CTNNA2: variants seen among roughly 807,000 people sequenced by gnomAD.
CTNNA2 encodes catenin alpha-2.
Under a neutral mutation model 101.0 loss-of-function variants are expected in CTNNA2, and 42 were observed. The ratio of observed to expected loss-of-function variants is 0.42; its 90% CI spans 0.32 to 0.54. CTNNA2 has a LOEUF of 0.54. Among genes scored for constraint, CTNNA2 ranks in the 20% least tolerant of loss-of-function variants. The pLI, the probability that CTNNA2 is intolerant of heterozygous loss-of-function variation, is 0.14. For missense variants in CTNNA2, 871 were observed against 1,223.1 expected (o/e 0.71, Z 4.29); for synonymous variants, 450 against 456.4 (o/e 0.99, Z 0.18).
At chr2:80,562,130 T>G (rs768684302) in intron 12 of CTNNA2, among the ~76,000 whole-genome samples, 1 of 131,752 alleles carries the variant, frequency 7.6e-6, no homozygotes, top group African/African-American at 2.5e-5. Context: ...TATTTCACTA[T>G]CTTAGGACTG....
chr2:80,058,107 C>G (rs17018577), intron 7 of CTNNA2, among the ~76,000 whole-genome samples: 2,036 of 152,282 alleles, frequency 0.013, 34 homozygotes, highest in African/African-American at 0.044. Context: ...CTCCCTGTTT[C>G]CCTGCATCTG....
chr2:79,663,483 A>G (rs751200584), intron 2 of CTNNA2, among the ~76,000 whole-genome samples: 14 of 152,196 alleles, frequency 9.2e-5, no homozygotes, highest in Non-Finnish European at 2.1e-4. Context: ...TTTCTTGGAC[A>G]TACTGAGTTC....
intron 3 of CTNNA2, among the ~76,000 whole-genome samples, chr2:79,845,122 A>G (rs1355919323): frequency 6.8e-6 from 1 of 147,444 alleles, no homozygotes; most frequent in Non-Finnish European, 1.5e-5. Context: ...ATGATAACTG[A>G]CTAAGTACCC....
At chr2:80,085,762 C>A (rs1362229763) in intron 7 of CTNNA2, among the ~76,000 whole-genome samples, 1 of 151,788 alleles carries the variant, frequency 6.6e-6, no homozygotes, top group African/African-American at 2.4e-5. Flanking sequence ...TTAATGACCA[C>A]TTTTAAGGTT....
At chr2:79,720,274 C>G (rs887690123) in intron 2 of CTNNA2, among the ~76,000 whole-genome samples, 1 of 152,028 alleles carries the variant, frequency 6.6e-6, no homozygotes, top group Admixed American at 6.6e-5. Flanking sequence ...GTACCAGTAC[C>G]GTGCTGGTTT....
At chr2:79,295,236 A>C (rs1031832441) in intron 2 of CTNNA2, among the ~76,000 whole-genome samples, 7 of 152,150 alleles carry the variant, frequency 4.6e-5, no homozygotes, top group Non-Finnish European at 8.8e-5. Context: ...TTCGGCAGAT[A>C]ACCTCAACAC....
intron 7 of CTNNA2, among the ~76,000 whole-genome samples, chr2:79,941,746 G>A (rs1180900834): frequency 6.6e-6 from 1 of 152,094 alleles, no homozygotes; most frequent in Non-Finnish European, 1.5e-5. Flanking sequence ...AGCCTCCTAA[G>A]TAGCTGGGAT....
At chr2:79,815,824 C>T (rs997253165) in intron 3 of CTNNA2, among the ~76,000 whole-genome samples, 2 of 151,676 alleles carry the variant, frequency 1.3e-5, no homozygotes, top group Admixed American at 1.3e-4. Flanking sequence ...ATGGGAATTG[C>T]ATTGAATTTG....
At chr2:79,341,766 T>C (rs1366098873) in intron 3 of CTNNA2, among the ~76,000 whole-genome samples, 1 of 152,206 alleles carries the variant, frequency 6.6e-6, no homozygotes, top group Non-Finnish European at 1.5e-5. Context: ...AATAACCCAT[T>C]GAATGCGCAG....
chr2:79,396,730 G>T (rs1678236314), intron 4 of CTNNA2, among the ~76,000 whole-genome samples: 2 of 152,036 alleles, frequency 1.3e-5, no homozygotes, highest in African/African-American at 4.8e-5. Context: ...CCAACTTTCT[G>T]CCTGGCAAAA....
chr2:79,599,421 T>A (rs1677407130), intron 1 of CTNNA2, among the ~76,000 whole-genome samples: 1 of 152,142 alleles, frequency 6.6e-6, no homozygotes, highest in Non-Finnish European at 1.5e-5. Flanking sequence ...TAAAAATAAA[T>A]CTCATGGATA....
At chr2:80,521,194 G>T (rs936024742) in intron 9 of CTNNA2, among the ~76,000 whole-genome samples, 77 of 152,130 alleles carry the variant, frequency 5.1e-4, no homozygotes, top group African/African-American at 1.8e-3. Flanking sequence ...TAACCCTGGA[G>T]ACCAGTTAGT....
intron 6 of CTNNA2, among the ~76,000 whole-genome samples, chr2:79,894,203 A>G (rs766626410): frequency 6.6e-6 from 1 of 151,932 alleles, no homozygotes; most frequent in Non-Finnish European, 1.5e-5. Flanking sequence ...GTTAACCTTG[A>G]TATGCTATGA....
At chr2:79,853,992 T>G (rs934036247) in intron 3 of CTNNA2, among the ~76,000 whole-genome samples, 1 of 152,172 alleles carries the variant, frequency 6.6e-6, no homozygotes, top group African/African-American at 2.4e-5. Context: ...CTTGTGTTTA[T>G]TATTACTGGC....
intron 7 of CTNNA2, among the ~76,000 whole-genome samples, chr2:80,227,435 T>G (rs1477197531): frequency 6.6e-6 from 1 of 152,254 alleles, no homozygotes; most frequent in Non-Finnish European, 1.5e-5. Context: ...TTCTGACTTC[T>G]GCGTTTAGGG....
chr2:80,618,984 T>C, intron 17 of CTNNA2, 101 bp from the exon 18 acceptor site: 1 of 668,002 alleles, frequency 1.5e-6, no homozygotes. Flanking sequence ...AATTACCCAT[T>C]CCCTCTTCCA....
intron 7 of CTNNA2, among the ~76,000 whole-genome samples, chr2:80,238,521 T>C (rs975001175): frequency 5.3e-5 from 8 of 152,200 alleles, no homozygotes; most frequent in African/African-American, 1.9e-4. Flanking sequence ...ATGTTAACCA[T>C]GCAGATGTGA....
chr2:79,405,420 G>A (rs1380052832), intron 4 of CTNNA2, among the ~76,000 whole-genome samples: 3 of 151,922 alleles, frequency 2.0e-5, no homozygotes, highest in African/African-American at 7.3e-5. Flanking sequence ...CCACCTCCTG[G>A]GTTCAAGCGA....
intron 1 of CTNNA2, among the ~76,000 whole-genome samples, chr2:79,572,912 T>C (rs1180166882): frequency 1.3e-5 from 2 of 152,230 alleles, no homozygotes; most frequent in Non-Finnish European, 2.9e-5. Context: ...TAGGAAGTTC[T>C]GTTACCAAGT....
Sources: gnomAD v4.1 joint callset for allele counts (sites outside exome capture counted in the v4.1 genomes callset) on GRCh38, gnomAD v4.1.1 for gene constraint, MANE v1.5 for transcripts, NCBI Gene and HGNC (gene_info 2026-07-23, HGNC 2026-07-21) for gene names.